The following PTPN3 variants were observed in gnomAD, a reference collection of about 807,000 sequenced individuals.
The protein encoded by PTPN3 is protein tyrosine phosphatase non-receptor type 3, also known as tyrosine-protein phosphatase non-receptor type 3.
In PTPN3, 96 loss-of-function variants were observed where a neutral mutation model predicts 132.7. The observed-to-expected ratio is 0.72, with a 90% CI of 0.61 to 0.86. PTPN3 has a LOEUF of 0.86. PTPN3 is among the 40% of genes least tolerant of loss of function. The probability of loss-of-function intolerance (pLI) is 0.00; values close to 1 mark genes in which losing one functional copy is unlikely to be tolerated. For missense variants in PTPN3, 1,125 were observed against 1,159.6 expected, an observed-to-expected ratio of 0.97 and a Z score of 0.43; for synonymous variants, 398 against 429.0, an observed-to-expected ratio of 0.93 and a Z score of 0.89.
At chr9:109,430,525 C>T (rs1843582149) in intron 10 of PTPN3, among the ~76,000 whole-genome samples, 1 of 148,884 alleles carries the variant, frequency 6.7e-6, no homozygotes, top group South Asian at 2.1e-4. Context: ...CTCCCTACTG[C>T]CCTTCACTCA....
intron 5 of PTPN3, chr9:109,451,493 G>A (rs970052932): frequency 2.4e-6 from 2 of 819,158 alleles, no homozygotes; most frequent in Non-Finnish European, 2.9e-6. Flanking sequence ...CCTCCCTGTA[G>A]CCTCCACCCA....
At chr9:109,481,259 A>G (rs1428958201) in intron 1 of PTPN3, among the ~76,000 whole-genome samples, 2 of 152,162 alleles carry the variant, frequency 1.3e-5, no homozygotes, top group African/African-American at 4.8e-5. Context: ...CCAAAGCCAG[A>G]GCCCACCGAA....
intron 22 of PTPN3, among the ~76,000 whole-genome samples, chr9:109,384,365 T>C (rs1010729996): frequency 1.1e-4 from 16 of 152,160 alleles, no homozygotes; most frequent in African/African-American, 3.9e-4. Flanking sequence ...CCTAAAGAGG[T>C]GATATCCCAC....
chr9:109,416,065 T>C (rs1368188126), intron 14 of PTPN3, among the ~76,000 whole-genome samples: 1 of 152,216 alleles, frequency 6.6e-6, no homozygotes, highest in Non-Finnish European at 1.5e-5. Context: ...TGCCACCCTC[T>C]AGAAGGCTCA....
chr9:109,532,864 G>A, the PTPN3 span: 1 of 930,842 alleles, frequency 1.1e-6, no homozygotes, highest in Non-Finnish European at 1.4e-6. Context: ...CTCGGGAGCG[G>A]ACTAATTCTC....
At chr9:109,417,881 T>C in intron 14 of PTPN3, 1 of 765,806 alleles carries the variant, frequency 1.3e-6, no homozygotes, top group Non-Finnish European at 1.6e-6. Context: ...TGACACACTT[T>C]ACAAGGTCTC....
the PTPN3 span, among the ~76,000 whole-genome samples, chr9:109,525,444 G>A: frequency 1.3e-5 from 2 of 152,190 alleles, no homozygotes; most frequent in Non-Finnish European, 2.9e-5. Context: ...AGCCTTGGGT[G>A]CACATGAGGA....
rs186971559 is a variant in PTPN3 at position 109,412,005 on chromosome 9, A to G, written c.1314-1590T>C. 1.6e-4 allele frequency among the ~76,000 whole-genome samples: 25 copies of G among 152,346 alleles called. No homozygotes were observed. The Middle Eastern group carries it at 0.01, about 62-fold the overall frequency. Reference sequence around the variant, plus strand: ...GAAAAAGCATGACTTTCACTTACGTAAAAGGAAGCTTTACAAAATTCCCCC... The same window carrying G: ...GAAAAAGCATGACTTTCACTTACGTGAAAGGAAGCTTTACAAAATTCCCCC... On this transcript the variant is annotated intron_variant, in intron 14 of 25. Transcript: ENST00000374541.
chr9:109,522,228 G>T, the PTPN3 span, among the ~76,000 whole-genome samples: 2 of 152,206 alleles, frequency 1.3e-5, no homozygotes, highest in Non-Finnish European at 2.9e-5. Flanking sequence ...GTTCCTTGCA[G>T]GAAAGCCATC....
At position 109,379,455 on chromosome 9, in the gene PTPN3, C is replaced by A; in HGVS notation, c.*101G>T. On this transcript the variant is annotated 3_prime_UTR_variant, in exon 26 of 26. Transcript: ENST00000374541. ...TGGGTTCAGAGGTGCCCATTCCTTT[C>A]CCACAGCTACTGGTTCCTCTTGCTG... 1.8e-6 allele frequency: 2 copies of A among 1,098,256 alleles called. No homozygotes were observed. The highest frequency in any genetic ancestry group is 2.7e-6 in the Non-Finnish European group (2 of 728,094). The allele number at this position is 1,098,256 out of a possible 1,614,324, so 68.0% of individuals were successfully genotyped here.
At chr9:109,511,374 G>T in the PTPN3 span, 4 of 152,776 alleles carry the variant, frequency 2.6e-5, no homozygotes, top group Non-Finnish European at 5.9e-5. Flanking sequence ...TTGACAGAAT[G>T]CAGTGATCCC....
chr9:109,486,644 G>A (rs1262057350), intron 1 of PTPN3, among the ~76,000 whole-genome samples: 1 of 152,128 alleles, frequency 6.6e-6, no homozygotes, highest in Admixed American at 6.5e-5. Flanking sequence ...GGGCCTGGGG[G>A]CACTCATGAG....
chr9:109,423,509 G>C (rs1271004609), intron 12 of PTPN3, among the ~76,000 whole-genome samples: 1 of 152,176 alleles, frequency 6.6e-6, no homozygotes, highest in Non-Finnish European at 1.5e-5. Context: ...GGGAGGCTGA[G>C]GCATGAGAAC....
chr9:109,511,682 C>T, the PTPN3 span: 1 of 152,684 alleles, frequency 6.5e-6, no homozygotes. Context: ...GAGAATCAAC[C>T]AGCCAACACA....
In PTPN3 at chr9:109,438,129, A is replaced by G. The variant is rs1291179084; in HGVS notation, c.572T>C (p.Leu191Pro). 6.2e-7 allele frequency: 1 copy of G among 1,613,958 alleles called. No individual in the cohort carries two copies. Among genetic ancestry groups the G allele is most frequent in the Non-Finnish European group, 8.5e-7 (1 of 1,179,932 alleles). Residue 191 changes from leucine (L) to proline (P), a missense_variant, in exon 8 of 26, where the codon CTG (leucine) becomes CCG (proline). By Grantham distance (98) the Leu-to-Pro change is moderately conservative. Coordinates refer to ENST00000374541, the MANE Select transcript of PTPN3 (RefSeq NM_002829.4). ...CCCCCCTCACCTGTGCTGCTCATGCAGAGATTCGACTTTTGTTAAAAAGTC... is the reference window on the plus strand; with the variant it reads ...CCCCCCTCACCTGTGCTGCTCATGCGGAGATTCGACTTTTGTTAAAAAGTC... ...NEDFLTKVES[L>P]HEQHSGLKQS... is the part of the protein sequence containing the mutation.
intron 22 of PTPN3, among the ~76,000 whole-genome samples, chr9:109,386,554 G>A (rs1294445426): frequency 1.3e-5 from 2 of 152,186 alleles, no homozygotes; most frequent in Admixed American, 6.5e-5. Flanking sequence ...AGGAGGTAAT[G>A]TCCTGGAGAG....
the PTPN3 span, among the ~76,000 whole-genome samples, chr9:109,524,914 T>A: frequency 1.3e-5 from 2 of 152,050 alleles, no homozygotes; most frequent in Non-Finnish European, 2.9e-5. Context: ...ATTTTTGTAT[T>A]TTTAGTAGAG....
intron 24 of PTPN3, 102 bp from the exon 25 acceptor site, chr9:109,381,889 T>C (rs1413977469): frequency 2.8e-6 from 4 of 1,433,446 alleles, no homozygotes; most frequent in East Asian, 2.3e-5. Context: ...TTTCCTCCCT[T>C]GGCCTTCGAG....
chr9:109,395,094 C>T (rs908420410), intron 19 of PTPN3, among the ~76,000 whole-genome samples: 8 of 150,346 alleles, frequency 5.3e-5, no homozygotes, highest in African/African-American at 1.5e-4. Flanking sequence ...GAGCCGAGAT[C>T]GCGCCACTGC....
Sources: allele counts gnomAD v4.1 joint callset (sites outside exome capture counted in the v4.1 genomes callset), GRCh38; gene constraint gnomAD v4.1.1; transcripts MANE v1.5; gene names NCBI Gene and HGNC (gene_info 2026-07-23, HGNC 2026-07-21).